Variants in PSD2 observed in about 807,000 individuals in gnomAD.
PSD2 encodes the protein PH and SEC7 domain-containing protein 2.
In PSD2, 38 loss-of-function variants were observed where a neutral mutation model predicts 69.8. The ratio of observed to expected loss-of-function variants is 0.54; its 90% confidence interval spans 0.42 to 0.71. The LOEUF (loss-of-function observed/expected upper bound fraction) is 0.71. Among genes scored for constraint, PSD2 ranks in the 30% least tolerant of loss-of-function variants. The pLI is 0.00. For missense variants in PSD2, 943 were observed against 1,014.5 expected, an observed-to-expected ratio of 0.93 and a Z score of 0.96; for synonymous variants, 412 against 423.0, an observed-to-expected ratio of 0.97 and a Z score of 0.32.
chr5:139,824,661 C>T (rs574780038), intron 7 of PSD2, among the ~76,000 whole-genome samples: 27 of 152,268 alleles, frequency 1.8e-4, no homozygotes, highest in Admixed American at 1.4e-3. Context: ...TTGCTCCACA[C>T]GAAGGCTGTG....
rs1760920886 is a variant in PSD2, at chr5:139,843,249, G to GC, written c.*780dup. ...CTGTTAGGAAGGATGGCTGCACCTGGCCCCCTGGCATTCCTGACGCTCTAG... is the reference window on the plus strand; with the variant it reads ...CTGTTAGGAAGGATGGCTGCACCTGGCCCCCCTGGCATTCCTGACGCTCTAG... On this transcript the variant is annotated 3_prime_UTR_variant, in exon 15 of 15. Coordinates refer to ENST00000274710, the MANE Select transcript of PSD2 (RefSeq NM_032289.4). The GC allele has an allele frequency of 6.6e-6, 1 of 152,192 alleles. No individual in the cohort carries two copies. The highest frequency in any genetic ancestry group is 2.4e-5 in the African/African-American group (1 of 41,438). 9.4% of individuals were successfully genotyped at this position (152,192 alleles called of 1,614,324 possible).
rs1276976716 is a variant in PSD2, at chr5:139,843,773, T to G, written c.*1299T>G. 1.3e-5 allele frequency: 2 copies of G among 152,248 alleles called. No individual in the cohort carries two copies. The highest frequency in any genetic ancestry group is 1.3e-4 in the Admixed American group (2 of 15,286). 9.4% of individuals were successfully genotyped at this position (152,248 alleles called of 1,614,324 possible). On this transcript the variant is annotated 3_prime_UTR_variant, in exon 15 of 15. Transcript: ENST00000274710. ...ACGATCACGGATTAGCTAGCACCTT[T>G]AAGCCCTGCATTTCTCCAACTGACA...
At chr5:139,801,987 T>C (rs1759685015) in intron 1 of PSD2, among the ~76,000 whole-genome samples, 1 of 152,102 alleles carries the variant, frequency 6.6e-6, no homozygotes, top group African/African-American at 2.4e-5. Flanking sequence ...GACAGTGAAA[T>C]GGCCCAGCAC....
rs552896283 is a variant in PSD2 at position 139,843,330 on chromosome 5, T to C, written c.*856T>C. On this transcript the variant is annotated 3_prime_UTR_variant, in exon 15 of 15. Transcript: ENST00000274710. ...TTGCCCTGTTTTTCCCTCTTCCAGC[T>C]GACCTGTGACTTATACTGCTCTTAC... 6.6e-6 allele frequency: 1 copy of C among 152,368 alleles called. No homozygotes were observed. The highest frequency in any genetic ancestry group is 6.5e-5 in the Admixed American group (1 of 15,300). The allele number at this position is 152,368 out of a possible 1,614,324, so 9.4% of individuals were successfully genotyped here. A position where few individuals can be genotyped will look rare whatever the true frequency, so the allele number is the denominator to read the frequency against.
At chr5:139,804,038 C>T (rs886906636) in intron 1 of PSD2, among the ~76,000 whole-genome samples, 3 of 152,304 alleles carry the variant, frequency 2.0e-5, no homozygotes, top group Admixed American at 2.0e-4. Flanking sequence ...CCATCCTAGG[C>T]CCCATTGCGG....
chr5:139,803,807 C>T (rs1163933227), intron 1 of PSD2, among the ~76,000 whole-genome samples: 2 of 152,186 alleles, frequency 1.3e-5, no homozygotes, highest in South Asian at 4.1e-4. Flanking sequence ...TGGGCATCTC[C>T]CTGGGCAGTT....
chr5:139,841,859 T>A (rs1760878824), intron 14 of PSD2, among the ~76,000 whole-genome samples: 1 of 152,228 alleles, frequency 6.6e-6, no homozygotes, highest in Admixed American at 6.5e-5. Flanking sequence ...TCTTCTGTTG[T>A]TGCATTCTGA....
chr5:139,837,220 C>T lies in PSD2; in HGVS notation c.1647C>T (p.Thr549=), dbSNP rs756004730. Residue 549 remains threonine, a synonymous_variant, in exon 11 of 15, where the codon ACC becomes ACT. Coordinates refer to ENST00000274710, the MANE Select transcript of PSD2 (RefSeq NM_032289.4). This position sits in a 1 kb window ranked among gnomAD's most constrained non-coding sequence, Gnocchi z 5.0. The stretch of plus-strand genomic sequence containing the variant: ...AATTCTACGCAGTGCTCAAAGGGAC[C>T]ATCCTGTACCTGCAGAAGGTGAGAG... ...WKKFYAVLKG[T]ILYLQKDEYR... The T allele has an allele frequency of 2.5e-6, 4 of 1,613,978 alleles. No homozygotes were observed. The highest frequency in any genetic ancestry group is 1.7e-5 in the Admixed American group (1 of 60,026).
At chr5:139,788,203 G>A in the PSD2 span, among the ~76,000 whole-genome samples, 8 of 132,440 alleles carry the variant, frequency 6.0e-5, no homozygotes, top group Non-Finnish European at 1.3e-4. Context: ...CCGTGCCCAG[G>A]CCTGGCCCGG....
At chr5:139,830,007 T>G (rs1435444715) in intron 7 of PSD2, among the ~76,000 whole-genome samples, 1 of 145,624 alleles carries the variant, frequency 6.9e-6, no homozygotes, top group African/African-American at 2.7e-5. Context: ...TTTCTTTTTT[T>G]TTGAAAAAAA....
At chr5:139,770,667 A>G in the PSD2 span, among the ~76,000 whole-genome samples, 103,471 of 152,130 alleles carry the variant, frequency 0.68, 35,685 homozygotes, top group East Asian at 0.82. Context: ...CGCTGACACT[A>G]ATCATGATGA....
rs1028363389 is a variant in PSD2, at chr5:139,840,027, G to C, written c.1969G>C (p.Glu657Gln). ...LPSCTTRLCQ[E>Q]EQLRSHENKL... ...CACAGTCCAGGATTTGTCTTTGCAG[G>C]AGGAGCAACTGCGGTCTCATGAGAA... Residue 657 changes from glutamate (E) to glutamine (Q), a missense_variant and splice_region_variant, in exon 14 of 15, where the codon GAG becomes CAG. By Grantham distance (29) the Glu-to-Gln change is conservative. Transcript: ENST00000274710. The C allele has an allele frequency of 6.2e-7, 1 of 1,614,202 alleles. No homozygotes were observed. The highest frequency in any genetic ancestry group is 8.5e-7 in the Non-Finnish European group (1 of 1,180,028).
At chr5:139,776,690 A>T in the PSD2 span, among the ~76,000 whole-genome samples, 1 of 145,984 alleles carries the variant, frequency 6.9e-6, no homozygotes, top group Non-Finnish European at 1.5e-5. Context: ...TTTTTTCCAG[A>T]TAGGGTCTTG....
At chr5:139,790,217 G>C in the PSD2 span, among the ~76,000 whole-genome samples, 1 of 152,012 alleles carries the variant, frequency 6.6e-6, no homozygotes, top group Non-Finnish European at 1.5e-5. Context: ...CCAGGAATTC[G>C]AGACCAGGCT....
At position 139,839,853 on chromosome 5, in the gene PSD2, G is replaced by A. The variant is rs1390361293; in HGVS notation, c.1969-174G>A. ...TGGGACCTGGGGGAGGAGGAAGGGAGGTGGGAGGAAGAGCATGCCCTCAGG... is the reference window on the plus strand; with the variant it reads ...TGGGACCTGGGGGAGGAGGAAGGGAAGTGGGAGGAAGAGCATGCCCTCAGG... On this transcript the variant is annotated intron_variant, in intron 13 of 14. Coordinates refer to ENST00000274710, the MANE Select transcript of PSD2 (RefSeq NM_032289.4). This position sits in a 1 kb window ranked among gnomAD's most constrained non-coding sequence, Gnocchi z 5.1. Among the ~76,000 whole-genome samples the A allele has an allele frequency of 6.6e-6, 1 of 152,192 alleles. No individual in the cohort carries two copies. Among genetic ancestry groups the A allele is most frequent in the Non-Finnish European group, 1.5e-5 (1 of 68,022 alleles).
At chr5:139,835,629 G>T in intron 8 of PSD2, 94 bp from the exon 9 acceptor site, 1 of 1,295,700 alleles carries the variant, frequency 7.7e-7, no homozygotes, top group Non-Finnish European at 1.1e-6. Context: ...TGGCTGAAAA[G>T]GTGCTCCCTC....
chr5:139,840,091 G>A lies in PSD2; in HGVS notation c.2033G>A (p.Arg678Lys). Residue 678 changes from arginine (R) to lysine (K), a missense_variant, in exon 14 of 15, where the codon AGG (arginine) becomes AAG (lysine). Coordinates refer to ENST00000274710, the MANE Select transcript of PSD2 (RefSeq NM_032289.4). ...CTGACTGCGGAGCTGGCCGAACACA[G>A]GTGTCACCCAGTCGAGAGGGGCATC... ...RQLTAELAEH[R>K]CHPVERGIKS... is the part of the protein sequence containing the mutation. 1 of 1,614,212 alleles carries A rather than the reference G, an allele frequency of 6.2e-7. No homozygotes were observed. Among genetic ancestry groups the A allele is most frequent in the East Asian group, 2.2e-5 (1 of 44,884 alleles).
intron 14 of PSD2, among the ~76,000 whole-genome samples, chr5:139,840,472 T>C (rs1479210330): frequency 1.3e-5 from 2 of 152,206 alleles, no homozygotes; most frequent in Non-Finnish European, 2.9e-5. Flanking sequence ...TATTTCTCCA[T>C]GCCCTCACCA....
At chr5:139,802,247 C>G (rs1458563930) in intron 1 of PSD2, among the ~76,000 whole-genome samples, 1 of 151,810 alleles carries the variant, frequency 6.6e-6, no homozygotes, top group South Asian at 2.1e-4. Context: ...GGGGCCTGGA[C>G]AGAGAATGTG....
Sources: gnomAD v4.1 joint callset for allele counts (sites outside exome capture counted in the v4.1 genomes callset) on GRCh38, gnomAD v4.1.1 for gene constraint, Gnocchi (gnomAD v3.1) non-coding constraint, MANE v1.5 for transcripts, NCBI Gene and HGNC (gene_info 2026-07-23, HGNC 2026-07-21) for gene names.